FRMD5: variants seen among roughly 807,000 people sequenced by gnomAD.
FRMD5 encodes the protein FERM domain-containing protein 5.
FRMD5 carries 20 observed loss-of-function variants against 69.0 expected under a neutral mutation model. The ratio of observed to expected loss-of-function variants is 0.29; its 90% confidence interval spans 0.20 to 0.42. The LOEUF (loss-of-function observed/expected upper bound fraction) is 0.42. Among genes scored for constraint, FRMD5 ranks in the 10% least tolerant of loss-of-function variants. The probability of loss-of-function intolerance (pLI) is 1.00; values close to 1 mark genes in which losing one functional copy is unlikely to be tolerated. For synonymous variants in FRMD5, 271 were observed against 260.1 expected, an observed-to-expected ratio of 1.04 and a Z score of -0.40; for missense variants, 595 against 708.6, an observed-to-expected ratio of 0.84 and a Z score of 1.82.
chr15:44,063,001 T>C (rs1473776490), intron 1 of FRMD5, among the ~76,000 whole-genome samples: 1 of 152,202 alleles, frequency 6.6e-6, no homozygotes, highest in Non-Finnish European at 1.5e-5. Context: ...AACCATACAA[T>C]TTTGATTACT....
At chr15:44,141,897 C>T (rs543510189) in intron 1 of FRMD5, among the ~76,000 whole-genome samples, 1 of 152,312 alleles carries the variant, frequency 6.6e-6, no homozygotes, top group African/African-American at 2.4e-5. Context: ...TAACCTCTCA[C>T]ATCCTGGGCT....
chr15:43,903,467 A>T (rs1001106093), intron 6 of FRMD5, among the ~76,000 whole-genome samples: 3 of 152,206 alleles, frequency 2.0e-5, no homozygotes, highest in Admixed American at 2.0e-4. Context: ...CACAGTATAC[A>T]GTCTGTGCTC....
rs143558250 is a variant in FRMD5, at chr15:43,997,084, AAGAG to A, written c.103-72779_103-72776del. On this transcript the variant is annotated intron_variant, in intron 1 of 13. Transcript: ENST00000417257. ...CTCTAGTCATGATGAGAAGAAAGAA[AAGAG>A]AGAAAGTTTGAACTCCCACTTTCAA... 8.5e-3 allele frequency among the ~76,000 whole-genome samples: 1,296 copies of A among 152,316 alleles called. 7 individuals carry two copies. Among genetic ancestry groups the A allele is most frequent in the Non-Finnish European group, 0.015 (1,039 of 68,024 alleles).
chr15:44,038,006 A>G (rs979855105), intron 1 of FRMD5, among the ~76,000 whole-genome samples: 1 of 152,128 alleles, frequency 6.6e-6, no homozygotes, highest in Admixed American at 6.5e-5. Context: ...CTGGTGTGAG[A>G]TGTTATCTCA....
At chr15:44,145,473 A>C (rs561238394) in intron 1 of FRMD5, among the ~76,000 whole-genome samples, 137 of 152,354 alleles carry the variant, frequency 9.0e-4, no homozygotes, top group African/African-American at 3.2e-3. Flanking sequence ...ATCACTAAGA[A>C]AGTTTAGAGG....
intron 1 of FRMD5, among the ~76,000 whole-genome samples, chr15:43,937,473 A>C (rs1376747277): frequency 6.6e-6 from 1 of 151,998 alleles, no homozygotes; most frequent in Non-Finnish European, 1.5e-5. Flanking sequence ...CCCTGTCTCT[A>C]CTAAAAATAA....
intron 4 of FRMD5, among the ~76,000 whole-genome samples, chr15:43,912,700 T>C (rs1035558156): frequency 5.9e-5 from 9 of 151,618 alleles, no homozygotes; most frequent in Non-Finnish European, 5.9e-5. Flanking sequence ...TCTGTATGTG[T>C]TGGGGGTGCT....
chr15:44,182,924 T>C (rs562775115), intron 1 of FRMD5, among the ~76,000 whole-genome samples: 47 of 151,868 alleles, frequency 3.1e-4, no homozygotes, highest in Non-Finnish European at 5.3e-4. Flanking sequence ...GCTTCCCCAG[T>C]AGCTGGGACT....
intron 1 of FRMD5, among the ~76,000 whole-genome samples, chr15:44,168,566 T>C (rs2077748033): frequency 1.3e-5 from 2 of 152,200 alleles, no homozygotes; most frequent in Admixed American, 1.3e-4. Context: ...AACAATTACT[T>C]GATGTAAAAA....
chr15:43,891,129 T>C (rs1278342658), intron 8 of FRMD5, among the ~76,000 whole-genome samples: 2 of 152,024 alleles, frequency 1.3e-5, no homozygotes, highest in Non-Finnish European at 2.9e-5. Flanking sequence ...GGTACAGAAA[T>C]CACAAGAGCT....
intron 1 of FRMD5, among the ~76,000 whole-genome samples, chr15:44,111,721 A>G (rs2076798714): frequency 6.6e-6 from 1 of 152,204 alleles, no homozygotes; most frequent in African/African-American, 2.4e-5. Flanking sequence ...TACTCTCTCC[A>G]TTCTTAGTCA....
At chr15:44,000,222 A>G (rs1256570931) in intron 1 of FRMD5, among the ~76,000 whole-genome samples, 1 of 151,740 alleles carries the variant, frequency 6.6e-6, no homozygotes, top group Non-Finnish European at 1.5e-5. Flanking sequence ...TCCTGAGCTC[A>G]AGTGATCCTC....
At chr15:44,003,007 A>T (rs1890280751) in intron 1 of FRMD5, among the ~76,000 whole-genome samples, 1 of 152,152 alleles carries the variant, frequency 6.6e-6, no homozygotes, top group African/African-American at 2.4e-5. Flanking sequence ...ATACCACAGC[A>T]GAAGACTGAA....
chr15:44,036,702 T>A (rs745496392), intron 1 of FRMD5, among the ~76,000 whole-genome samples: 2 of 152,254 alleles, frequency 1.3e-5, no homozygotes, highest in African/African-American at 4.8e-5. Context: ...CTTGGATTTT[T>A]CTAATACAAA....
intron 4 of FRMD5, chr15:43,918,969 A>G: frequency 4.0e-6 from 1 of 251,096 alleles, no homozygotes; most frequent in South Asian, 4.4e-5. Flanking sequence ...ACAATAGTTT[A>G]TCACGAACCT....
intron 1 of FRMD5, among the ~76,000 whole-genome samples, chr15:44,146,117 C>T (rs568257589): frequency 2.9e-4 from 44 of 152,156 alleles, no homozygotes; most frequent in Non-Finnish European, 5.9e-4. Context: ...TATTAAGCCC[C>T]GCGTGCATTA....
chr15:43,922,604 C>A (rs977302096), intron 2 of FRMD5, among the ~76,000 whole-genome samples: 1 of 151,958 alleles, frequency 6.6e-6, no homozygotes, highest in East Asian at 1.9e-4. Flanking sequence ...GGATACAATT[C>A]GCCTTTTTTT....
At chr15:44,080,556 G>A (rs1034477714) in intron 1 of FRMD5, among the ~76,000 whole-genome samples, 1 of 152,078 alleles carries the variant, frequency 6.6e-6, no homozygotes, top group Admixed American at 6.6e-5. Context: ...GGGCTTACAA[G>A]AGAAAATGAG....
chr15:44,123,974 T>G (rs1038731016), intron 1 of FRMD5, among the ~76,000 whole-genome samples: 2 of 152,140 alleles, frequency 1.3e-5, no homozygotes, highest in African/African-American at 4.8e-5. Context: ...ATAAAATTGT[T>G]CATATCTTTT....
Sources: gnomAD v4.1 joint callset for allele counts (sites outside exome capture counted in the v4.1 genomes callset) on GRCh38, gnomAD v4.1.1 for gene constraint, MANE v1.5 for transcripts, NCBI Gene and HGNC (gene_info 2026-07-23, HGNC 2026-07-21) for gene names.